The following MARF1 variants were observed in gnomAD, a reference collection of about 807,000 sequenced individuals.
The protein encoded by MARF1 is limkain-b1.
Under a neutral mutation model 168.2 loss-of-function variants are expected in MARF1, and 24 were observed. The observed-to-expected ratio is 0.14, with a 90% CI of 0.10 to 0.20. The LOEUF (loss-of-function observed/expected upper bound fraction) is 0.20, where lower values mean the gene tolerates loss of function less well. Among genes scored for constraint, MARF1 ranks in the 10% least tolerant of loss-of-function variants. The pLI is 1.00. For missense variants in MARF1, 1,744 were observed against 2,143.6 expected (o/e 0.81, Z 3.68); for synonymous variants, 868 against 822.4 (o/e 1.06, Z -0.95).
chr16:15,608,104 C>G (rs570774690), intron 21 of MARF1, among the ~76,000 whole-genome samples, 187 bp downstream of exon 21: 1 of 152,082 alleles, frequency 6.6e-6, no homozygotes, highest in Non-Finnish European at 1.5e-5. Context: ...TCTCAACTTC[C>G]AAACCAAGGC....
chr16:15,613,661 C>CA (rs1555524006), intron 16 of MARF1, among the ~76,000 whole-genome samples: 1 of 126,648 alleles, frequency 7.9e-6, no homozygotes, highest in Non-Finnish European at 1.6e-5. Context: ...GATTCCGTCT[C>CA]AATAAATAAA....
At chr16:15,597,425 G>A (rs561800310) in intron 26 of MARF1, among the ~76,000 whole-genome samples, 8 of 152,330 alleles carry the variant, frequency 5.3e-5, no homozygotes, top group African/African-American at 1.9e-4. Context: ...GATAAGGAAG[G>A]ACTACGCAGA....
At chr16:15,613,095 A>G (rs773692338) in intron 16 of MARF1, among the ~76,000 whole-genome samples, 2 of 152,220 alleles carry the variant, frequency 1.3e-5, no homozygotes, top group East Asian at 1.9e-4. Flanking sequence ...GAAACTAGTT[A>G]TATTTCCAAG....
chr16:15,614,610 C>T (rs1596465740), intron 16 of MARF1, among the ~76,000 whole-genome samples: 1 of 149,946 alleles, frequency 6.7e-6, no homozygotes, highest in Non-Finnish European at 1.5e-5. Context: ...AAGGTGAAAC[C>T]CGTCTCTACT....
chr16:15,614,257 CG>C (rs2033847682), intron 16 of MARF1, among the ~76,000 whole-genome samples: 1 of 151,112 alleles, frequency 6.6e-6, no homozygotes, highest in African/African-American at 2.4e-5. Flanking sequence ...CTGAGGCGGG[CG>C]GATCACGAGG....
Position 15,596,298 on chromosome 16 carries a change from C to CTA in MARF1, c.*393_*394dup. On this transcript the variant is annotated 3_prime_UTR_variant, in exon 27 of 27. Coordinates refer to ENST00000396368, the MANE Select transcript of MARF1 (RefSeq NM_014647.4). ...ACCAGTAAGCAAAGGCTGAGAGACTCTATTATGCTACATGTAGGATGACAC... is the reference window on the plus strand; with the variant it reads ...ACCAGTAAGCAAAGGCTGAGAGACTCTATATTATGCTACATGTAGGATGACAC... The CTA allele has an allele frequency of 6.3e-6, 1 of 159,130 alleles. No individual in the cohort carries two copies. Among genetic ancestry groups the CTA allele is most frequent in the Non-Finnish European group, 1.4e-5 (1 of 72,464 alleles). 9.9% of individuals were successfully genotyped at this position (159,130 alleles called of 1,614,324 possible).
In MARF1 at chr16:15,639,266, T is replaced by C. The variant is rs2035793108; in HGVS notation, c.-33A>G. 1.3e-6 allele frequency: 2 copies of C among 1,591,182 alleles called. No homozygotes were observed. Among genetic ancestry groups the C allele is most frequent in the Non-Finnish European group, 1.7e-6 (2 of 1,168,370 alleles). On this transcript the variant is annotated 5_prime_UTR_variant, in exon 2 of 27. The change abolishes an upstream ATG in the 5' untranslated region. Transcript: ENST00000396368. ...TGCAAAGTGATTCAACATCCTTTCA[T>C]CTTTCTTTTCTTTCATTCTTCCACC...
intron 20 of MARF1, 39 bp downstream of exon 20, chr16:15,609,484 C>G: frequency 6.5e-7 from 1 of 1,538,226 alleles, no homozygotes; most frequent in African/African-American, 1.4e-5. Flanking sequence ...ATACGTTGTT[C>G]AGAAAAATAC....
intron 13 of MARF1, among the ~76,000 whole-genome samples, chr16:15,619,391 T>G (rs909353084): frequency 1.3e-5 from 2 of 152,216 alleles, no homozygotes; most frequent in African/African-American, 4.8e-5. Flanking sequence ...TGCTCTGAAT[T>G]TGGACTGATG....
At chr16:15,619,062 A>G (rs7201520) in intron 13 of MARF1, among the ~76,000 whole-genome samples, 106,865 of 152,072 alleles carry the variant, frequency 0.7, 38,133 homozygotes, top group African/African-American at 0.84. Flanking sequence ...AATCACTTGA[A>G]GCCAGGAGTT....
At chr16:15,632,436 A>C (rs7206272) in intron 5 of MARF1, among the ~76,000 whole-genome samples, 33,810 of 152,078 alleles carry the variant, frequency 0.22, 4,178 homozygotes, top group South Asian at 0.33. Context: ...CCCTACTAAT[A>C]AGCAGAAAAG....
chr16:15,633,505 C>A, intron 5 of MARF1, 112 bp downstream of exon 5: 2 of 778,402 alleles, frequency 2.6e-6, no homozygotes, highest in South Asian at 3.8e-5. Flanking sequence ...ATGAATGCGT[C>A]ACTGCACTCC....
In MARF1 at chr16:15,596,096, A is replaced by G. The variant is rs1178232981; in HGVS notation, c.*597T>C. The G allele has an allele frequency of 6.5e-6, 1 of 152,692 alleles. No homozygotes were observed. The highest frequency in any genetic ancestry group is 1.5e-5 in the Non-Finnish European group (1 of 68,056). The allele number at this position is 152,692 out of a possible 1,614,324, so 9.5% of individuals were successfully genotyped here. ...TTTGTCAACTACAGACATAGTTTAA[A>G]TAAAAAACAAGGCACACTTACAAGT... On this transcript the variant is annotated 3_prime_UTR_variant, in exon 27 of 27. Transcript: ENST00000396368.
chr16:15,607,441 C>A (rs1791693511), intron 21 of MARF1, among the ~76,000 whole-genome samples: 1 of 152,054 alleles, frequency 6.6e-6, no homozygotes, highest in Non-Finnish European at 1.5e-5. Context: ...CCCAGCTACC[C>A]AGGAGGCTGA....
intron 25 of MARF1, 88 bp from the exon 26 acceptor site, chr16:15,599,112 C>T (rs144322101): frequency 2.7e-5 from 22 of 803,044 alleles, no homozygotes; most frequent in Non-Finnish European, 4.4e-5. Context: ...AGTTTTCCTT[C>T]TAAGCCTTAA....
intron 25 of MARF1, chr16:15,599,270 C>T: frequency 3.8e-6 from 2 of 531,108 alleles, no homozygotes; most frequent in Non-Finnish European, 6.7e-6. Context: ...GAACACTGGC[C>T]CCTCAAAAGA....
At position 15,600,633 on chromosome 16, in the gene MARF1, T is replaced by C; in HGVS notation, c.4687+8A>G. The C allele has an allele frequency of 1.2e-6, 2 of 1,613,948 alleles. No individual in the cohort carries two copies. Among genetic ancestry groups the C allele is most frequent in the Non-Finnish European group, 1.7e-6 (2 of 1,180,024 alleles). On this transcript the variant is annotated splice_region_variant and intron_variant, in intron 24 of 26. Coordinates refer to ENST00000396368, the MANE Select transcript of MARF1 (RefSeq NM_014647.4). ...TTTTAAGGGGGGAGGGGATGGGTGC[T>C]TACTTACTTTTCATGTCATTTTTTA...
chr16:15,629,572 T>C (rs1471230516), intron 7 of MARF1, among the ~76,000 whole-genome samples: 1 of 152,232 alleles, frequency 6.6e-6, no homozygotes, highest in Admixed American at 6.5e-5. Flanking sequence ...TTAAATTATA[T>C]GTGAAGACTT....
rs143947285 is a variant in MARF1 at position 15,618,569 on chromosome 16, C to G, written c.2721-1034G>C. Among the ~76,000 whole-genome samples the G allele has an allele frequency of 1.5e-3, 223 of 152,300 alleles. 4 individuals are homozygous for G. The East Asian group carries it at 0.03, about 21-fold the overall frequency. On this transcript the variant is annotated intron_variant, in intron 13 of 26. Coordinates refer to ENST00000396368, the MANE Select transcript of MARF1 (RefSeq NM_014647.4). ...GCATTTCCTCATGGCCTTGGATCCC[C>G]CCATTCCTGATGTGCTCTCTTGGCA...
Sources: allele counts gnomAD v4.1 joint callset (sites outside exome capture counted in the v4.1 genomes callset), GRCh38; gene constraint gnomAD v4.1.1; transcripts MANE v1.5; gene names NCBI Gene and HGNC (gene_info 2026-07-23, HGNC 2026-07-21).